Variants in ANK3 observed in about 807,000 individuals in gnomAD.
The protein encoded by ANK3 is ankyrin 3, also known as ankyrin-3.
A neutral mutation model predicts 370.9 loss-of-function variants in ANK3; 57 were observed. That is an observed-to-expected ratio of 0.15 (90% CI 0.12 to 0.19). The LOEUF is 0.19. Ranked by LOEUF, ANK3 falls within the 10% of genes least tolerant of loss-of-function variation. The pLI is 1.00. For synonymous variants in ANK3, 1,929 were observed against 1,946.3 expected (o/e 0.99, Z 0.23); for missense variants, 4,439 against 5,302.1 (o/e 0.84, Z 5.06).
chr10:60,053,561 T>C (rs2078520344), intron 42 of ANK3: 1 of 728,278 alleles, frequency 1.4e-6, no homozygotes, highest in Non-Finnish European at 1.9e-6. Context: ...GGATTCCTTT[T>C]AGTGAATTAT....
intron 1 of ANK3, among the ~76,000 whole-genome samples, chr10:60,630,581 GT>G (rs1755166500): frequency 3.3e-5 from 5 of 152,200 alleles, no homozygotes; most frequent in Admixed American, 3.3e-4. Flanking sequence ...GCTAGTTTGG[GT>G]CAGGTTGCAG....
chr10:60,709,248 C>T (rs2079664784), intron 1 of ANK3, among the ~76,000 whole-genome samples: 1 of 152,098 alleles, frequency 6.6e-6, no homozygotes, highest in Non-Finnish European at 1.5e-5. Flanking sequence ...CTGTATTAGA[C>T]TTCTCCAGAG....
At chr10:60,048,633 C>T (rs1282445009) in intron 42 of ANK3, among the ~76,000 whole-genome samples, 1 of 152,116 alleles carries the variant, frequency 6.6e-6, no homozygotes, top group Non-Finnish European at 1.5e-5. Context: ...AATGTAAATG[C>T]TATGTAAGTA....
intron 23 of ANK3, chr10:60,141,048 C>G: frequency 3.0e-6 from 3 of 984,596 alleles, no homozygotes; most frequent in Non-Finnish European, 3.6e-6. Context: ...TATTTATGGT[C>G]CCTGTCAGGT....
chr10:60,459,125 A>C (rs2064822183), intron 2 of ANK3, among the ~76,000 whole-genome samples: 1 of 152,178 alleles, frequency 6.6e-6, no homozygotes. Context: ...GAATCGGCTT[A>C]CGAGGAACAA....
At chr10:60,348,832 A>C (rs2056265533) in intron 1 of ANK3, among the ~76,000 whole-genome samples, 1 of 152,260 alleles carries the variant, frequency 6.6e-6, no homozygotes, top group Non-Finnish European at 1.5e-5. Context: ...TGTCTGGTAC[A>C]GTAAATGATA....
intron 11 of ANK3, among the ~76,000 whole-genome samples, chr10:60,204,067 G>A (rs2096724629): frequency 6.6e-6 from 1 of 152,146 alleles, no homozygotes; most frequent in Non-Finnish European, 1.5e-5. Context: ...GCAGAAATTT[G>A]AGAAATGTCA....
chr10:60,443,155 T>A (rs2064342012), intron 2 of ANK3, among the ~76,000 whole-genome samples: 1 of 152,224 alleles, frequency 6.6e-6, no homozygotes, highest in Non-Finnish European at 1.5e-5. Flanking sequence ...GAAAAGTATT[T>A]ATTGTATATC....
At chr10:60,544,012 A>G (rs1367553958) in intron 2 of ANK3, among the ~76,000 whole-genome samples, 1 of 152,116 alleles carries the variant, frequency 6.6e-6, no homozygotes, top group African/African-American at 2.4e-5. Context: ...GGGAAAGACA[A>G]TGGAATGTGA....
chr10:60,088,041 T>C, intron 29 of ANK3, 106 bp downstream of exon 29: 1 of 867,618 alleles, frequency 1.2e-6, no homozygotes, highest in Non-Finnish European at 1.8e-6. Context: ...CCAAACGGCC[T>C]AATTAGCAGT....
intron 36 of ANK3, 148 bp downstream of exon 36, chr10:60,080,389 A>C (rs2084906334): frequency 1.5e-6 from 1 of 665,996 alleles, no homozygotes; most frequent in African/African-American, 1.9e-5. Flanking sequence ...TAGGCACAAA[A>C]TATTACTTAG....
rs578131977 is a variant in ANK3, at chr10:60,173,647, T to C, written c.2185-461A>G. ...TGATTATCAGAATGCCTGATAGAGA[T>C]AGGAAGAAGCACAGAAACACTAAAA... On this transcript the variant is annotated intron_variant, in intron 18 of 43. Coordinates refer to ENST00000280772, the MANE Select transcript of ANK3 (RefSeq NM_020987.5). Among the ~76,000 whole-genome samples the C allele has an allele frequency of 2.6e-5, 4 of 152,230 alleles. No homozygotes were observed. The East Asian group carries it at 5.8e-4, about 22-fold the overall frequency.
chr10:60,104,066 G>A (rs901929214), intron 28 of ANK3, among the ~76,000 whole-genome samples: 2 of 152,074 alleles, frequency 1.3e-5, no homozygotes, highest in Admixed American at 1.3e-4. Context: ...AACAGACACT[G>A]GGGCCTACTT....
chr10:60,412,124 C>T lies in ANK3; in HGVS notation c.97-132485G>A, dbSNP rs192045448. 1.4e-3 allele frequency among the ~76,000 whole-genome samples: 206 copies of T among 152,250 alleles called. 1 individual carries two copies. The highest frequency in any genetic ancestry group is 3.7e-3 in the South Asian group (18 of 4,818). On this transcript the variant is annotated intron_variant, in intron 2 of 43. Coordinates refer to the ANK3 transcript ENST00000373827. The stretch of plus-strand genomic sequence containing the variant: ...GCAAGTGGGAAGATGTTCCCAGCCA[C>T]CAGGTAGACAAACTATGTGTGTTAA...
intron 1 of ANK3, among the ~76,000 whole-genome samples, chr10:60,385,562 A>C (rs1374293467): frequency 6.6e-6 from 1 of 152,130 alleles, no homozygotes; most frequent in Non-Finnish European, 1.5e-5. Flanking sequence ...ATGTTTACTG[A>C]ATGAATACAT....
chr10:60,184,935 T>G (rs1366585061), intron 17 of ANK3, among the ~76,000 whole-genome samples: 1 of 152,232 alleles, frequency 6.6e-6, no homozygotes, highest in Non-Finnish European at 1.5e-5. Flanking sequence ...AGCATGTGCT[T>G]CAATTTGGGA....
intron 1 of ANK3, among the ~76,000 whole-genome samples, chr10:60,717,056 T>A (rs1219796669): frequency 6.6e-6 from 1 of 152,210 alleles, no homozygotes; most frequent in East Asian, 1.9e-4. Flanking sequence ...ATTTTTTTAT[T>A]AAGCCGGTAT....
intron 1 of ANK3, among the ~76,000 whole-genome samples, chr10:60,310,662 C>T (rs2046154506): frequency 6.6e-6 from 1 of 152,128 alleles, no homozygotes; most frequent in African/African-American, 2.4e-5. Flanking sequence ...AGCCGTAATG[C>T]CTATGCCAGA....
At chr10:60,647,202 T>C (rs770637922) in intron 1 of ANK3, among the ~76,000 whole-genome samples, 2 of 152,216 alleles carry the variant, frequency 1.3e-5, no homozygotes, top group Non-Finnish European at 2.9e-5. Flanking sequence ...GTTAGCTATG[T>C]GGTAGGCAAA....
Sources: allele counts gnomAD v4.1 joint callset (sites outside exome capture counted in the v4.1 genomes callset), GRCh38; gene constraint gnomAD v4.1.1; transcripts MANE v1.5; gene names NCBI Gene and HGNC (gene_info 2026-07-23, HGNC 2026-07-21).